The following FAM3B variants were observed in gnomAD, a reference collection of about 807,000 sequenced individuals.
The protein encoded by FAM3B is FAM3 metabolism regulating signaling molecule B, also known as protein FAM3B.
In FAM3B, 29 loss-of-function variants were observed where a neutral mutation model predicts 28.4. The ratio of observed to expected loss-of-function variants is 1.02; its 90% CI spans 0.76 to 1.39. FAM3B has a LOEUF of 1.39. Among genes scored for constraint, FAM3B ranks in the 40% most tolerant of loss-of-function variants. The pLI, the probability that FAM3B is intolerant of heterozygous loss-of-function variation, is 0.00. For synonymous variants in FAM3B, 91 were observed against 103.0 expected (o/e 0.88, Z 0.71); for missense variants, 266 against 293.9 (o/e 0.91, Z 0.69).
intron 7 of FAM3B, 42 bp downstream of exon 7, chr21:41,348,766 T>C (rs748582268): frequency 1.7e-5 from 28 of 1,611,872 alleles, no homozygotes; most frequent in Non-Finnish European, 2.3e-5. Context: ...ATGGTGAGTA[T>C]AGTAAATGCT....
At chr21:41,312,804 C>T (rs1007306007), upstream of FAM3B, among the ~76,000 whole-genome samples, 29 of 151,512 alleles carry the variant, frequency 1.9e-4, no homozygotes, top group African/African-American at 6.6e-4. Context: ...ACTCAATGTC[C>T]CCAAGCCACA....
At chr21:41,349,862 T>C (rs1420528302) in intron 7 of FAM3B, among the ~76,000 whole-genome samples, 1 of 152,242 alleles carries the variant, frequency 6.6e-6, no homozygotes, top group Non-Finnish European at 1.5e-5. Context: ...TGTGACTTCA[T>C]GTTCCTCTAG....
chr21:41,310,666 G>A (rs998489271), intron 1 of FAM3B, among the ~76,000 whole-genome samples: 1 of 152,154 alleles, frequency 6.6e-6, no homozygotes, highest in African/African-American at 2.4e-5. Context: ...AGTCAGCCCT[G>A]CACCATCCTC....
rs369146230 is a variant in FAM3B at position 41,323,037 on chromosome 21, G to A, written c.134G>A (p.Arg45His). The A allele has an allele frequency of 6.2e-5, 99 of 1,607,326 alleles. No individual in the cohort carries two copies. The highest frequency in any genetic ancestry group is 8.0e-5 in the African/African-American group (6 of 74,934). The change falls in exon 2 of 8, where the codon CGC (arginine) becomes CAC (histidine). Residue 45 changes from arginine (R) to histidine (H), a missense_variant. Arg to His is a conservative substitution (Grantham distance 29, BLOSUM62 0). Transcript: ENST00000357985. Reference protein sequence around the residue: ...APLSSAAYSIRSIGERPVLKA... With the variant: ...APLSSAAYSIHSIGERPVLKA... ...CTGTCCAGTGCTGCCTATAGCATCC[G>A]CAGCATCGGGGAGAGGCCTGTCCTC...
chr21:41,313,663 C>T (rs1211481415), upstream of FAM3B, among the ~76,000 whole-genome samples: 1 of 71,014 alleles, frequency 1.4e-5, no homozygotes, highest in Non-Finnish European at 2.7e-5. Flanking sequence ...ATGCATGTCG[C>T]ATTTGATCCA....
upstream of FAM3B, among the ~76,000 whole-genome samples, chr21:41,313,163 G>C (rs1025774764): frequency 6.6e-6 from 1 of 152,190 alleles, no homozygotes; most frequent in African/African-American, 2.4e-5. Context: ...CCAATCCCCT[G>C]ATTGGCTCTG....
chr21:41,332,411 A>G (rs893865998), intron 2 of FAM3B, among the ~76,000 whole-genome samples: 7 of 152,160 alleles, frequency 4.6e-5, no homozygotes, highest in Non-Finnish European at 1.0e-4. Flanking sequence ...TGTTGAATTC[A>G]GTTTGCTAGT....
At chr21:41,355,734 A>G (rs757033367) in intron 7 of FAM3B, among the ~76,000 whole-genome samples, 1 of 152,144 alleles carries the variant, frequency 6.6e-6, no homozygotes, top group African/African-American at 2.4e-5. Context: ...TGGGTGATGA[A>G]AATGTTTTAA....
rs2088975452 is a variant in FAM3B at position 41,338,467 on chromosome 21, A to G, written c.253A>G (p.Ser85Gly). 2 of 1,614,082 alleles carry G rather than the reference A, an allele frequency of 1.2e-6. No homozygotes were observed. The highest frequency in any genetic ancestry group is 2.7e-5 in the African/African-American group (2 of 74,932). Residue 85 changes from serine to glycine, a missense_variant, in exon 3 of 8, where the codon AGC (serine) becomes GGC (glycine). Coordinates refer to ENST00000357985, the MANE Select transcript of FAM3B (RefSeq NM_058186.4). ...AYRLLSGGGRSKYAKICFEDN... is the reference protein window; with the variant it reads ...AYRLLSGGGRGKYAKICFEDN... ...CAGGTTACTCAGCGGAGGTGGCAGA[A>G]GCAAGTACGCCAAAATCTGCTTTGA...
exon 1 of FAM3B, chr21:41,304,250 A>G (rs1482253670): frequency 4.4e-6 from 2 of 455,814 alleles, no homozygotes; most frequent in African/African-American, 4.0e-5. Context: ...CTCGGCGGGC[A>G]TGGCTGGGGC....
intron 1 of FAM3B, among the ~76,000 whole-genome samples, 161 bp downstream of exon 1, chr21:41,317,059 G>A (rs1006901272): frequency 3.3e-5 from 5 of 152,230 alleles, no homozygotes; most frequent in Admixed American, 6.5e-5. Context: ...TCAGGAATGC[G>A]GGAAGCGATT....
At position 41,316,820 on chromosome 21, in the gene FAM3B, C is replaced by A; in HGVS notation, c.-60C>A. ...CCTTGCCTTCCTGACCCAGGGGCTC[C>A]GCTGGCTGCGGTCGCCTGGGAGCTG... On this transcript the variant is annotated 5_prime_UTR_variant, in exon 1 of 8. Coordinates refer to ENST00000357985, the MANE Select transcript of FAM3B (RefSeq NM_058186.4). 7.0e-7 allele frequency: 1 copy of A among 1,420,252 alleles called. No individual in the cohort carries two copies. The highest frequency in any genetic ancestry group is 9.2e-7 in the Non-Finnish European group (1 of 1,089,570). 88.0% of individuals were successfully genotyped at this position (1,420,252 alleles called of 1,614,324 possible).
intron 3 of FAM3B, 135 bp from the exon 4 acceptor site, chr21:41,344,341 C>G (rs1300369523): frequency 4.0e-6 from 3 of 749,860 alleles, no homozygotes; most frequent in Non-Finnish European, 6.9e-6. Flanking sequence ...GGGAGCTGCA[C>G]CAAGGCGAAT....
intron 5 of FAM3B, chr21:41,346,465 G>A (rs553969496): frequency 1.3e-5 from 2 of 154,314 alleles, no homozygotes; most frequent in Admixed American, 1.3e-4. Context: ...AAGTCTCTTG[G>A]CACAGACTTG....
chr21:41,344,399 T>C (rs966380292), intron 3 of FAM3B, 77 bp from the exon 4 acceptor site: 3 of 1,339,588 alleles, frequency 2.2e-6, no homozygotes, highest in Non-Finnish European at 3.2e-6. Flanking sequence ...GACTGACATT[T>C]GGTCAGGCGA....
At chr21:41,338,538 C>T (rs1198862487) in intron 3 of FAM3B, 37 bp downstream of exon 3, 1 of 1,611,026 alleles carries the variant, frequency 6.2e-7, no homozygotes, top group Non-Finnish European at 8.5e-7. Context: ...TAAAGCGATC[C>T]TACTGATTCT....
At chr21:41,305,949 A>T (rs2088680668) in intron 1 of FAM3B, among the ~76,000 whole-genome samples, 1 of 152,204 alleles carries the variant, frequency 6.6e-6, no homozygotes, top group Non-Finnish European at 1.5e-5. Flanking sequence ...CCATAGTGTA[A>T]ATTCTTTCAA....
At position 41,353,380 on chromosome 21, in the gene FAM3B, G is replaced by A. The variant is rs751477604; in HGVS notation, c.619-3728G>A. On this transcript the variant is annotated intron_variant, in intron 7 of 7. Transcript: ENST00000357985. ...TCTTGAAAAAGAACAAAGTTGCAGG[G>A]CTCACATGTTCCAATTTCAAAACAT... 3.3e-5 allele frequency among the ~76,000 whole-genome samples: 5 copies of A among 152,276 alleles called. 1 individual carries two copies. Among genetic ancestry groups the A allele is most frequent in the African/African-American group, 2.4e-5 (1 of 41,544 alleles).
Position 41,357,714 on chromosome 21 carries a change from C to T in FAM3B, c.*517C>T, listed in dbSNP as rs968489446. ...GGCCTGTGAATGTATTCATTCATTC[C>T]ACAACTCTGGGTGCCTCCCACGTCT... On this transcript the variant is annotated 3_prime_UTR_variant, in exon 8 of 8. Transcript: ENST00000357985. 6.6e-6 allele frequency among the ~76,000 whole-genome samples: 1 copy of T among 152,138 alleles called. No individual in the cohort carries two copies. Among genetic ancestry groups the T allele is most frequent in the African/African-American group, 2.4e-5 (1 of 41,420 alleles).
Sources: allele counts gnomAD v4.1 joint callset (sites outside exome capture counted in the v4.1 genomes callset), GRCh38; gene constraint gnomAD v4.1.1; transcripts MANE v1.5; gene names NCBI Gene and HGNC (gene_info 2026-07-23, HGNC 2026-07-21).